Variants in INPP5A observed in about 807,000 individuals in gnomAD.
INPP5A encodes inositol polyphosphate-5-phosphatase A.
Under a neutral mutation model 65.2 loss-of-function variants are expected in INPP5A, and 14 were observed. The ratio of observed to expected loss-of-function variants is 0.21; its 90% CI spans 0.14 to 0.34. The LOEUF (loss-of-function observed/expected upper bound fraction) is 0.34, where lower values mean the gene tolerates loss of function less well. Ranked by LOEUF, INPP5A falls within the 10% of genes least tolerant of loss-of-function variation. The pLI is 1.00. For missense variants in INPP5A, 431 were observed against 545.6 expected (o/e 0.79, Z 2.09); for synonymous variants, 207 against 208.3 (o/e 0.99, Z 0.05).
intron 2 of INPP5A, among the ~76,000 whole-genome samples, chr10:132,632,457 A>G (rs1000337111): frequency 6.6e-6 from 1 of 152,128 alleles, no homozygotes; most frequent in Non-Finnish European, 1.5e-5. Context: ...AGCATTGTTG[A>G]CACCTCACAG....
At chr10:132,665,371 A>T in intron 4 of INPP5A, among the ~76,000 whole-genome samples, 1 of 152,246 alleles carries the variant, frequency 6.6e-6, no homozygotes, top group Non-Finnish European at 1.5e-5. Flanking sequence ...TGTGTCGCTA[A>T]TTGTTAATTA....
chr10:132,561,920 C>T (rs2071212213), intron 1 of INPP5A, among the ~76,000 whole-genome samples: 1 of 152,184 alleles, frequency 6.6e-6, no homozygotes, highest in East Asian at 1.9e-4. Flanking sequence ...TCCTCAGGGG[C>T]ATGTGATGTG....
intron 8 of INPP5A, among the ~76,000 whole-genome samples, chr10:132,723,647 A>G (rs570724477): frequency 0.014 from 1,396 of 100,542 alleles, 7 homozygotes; most frequent in African/African-American, 0.026. Flanking sequence ...GGGATTGGCC[A>G]TGTGGGGATT....
At chr10:132,594,911 A>G (rs2071665104) in intron 1 of INPP5A, among the ~76,000 whole-genome samples, 1 of 152,194 alleles carries the variant, frequency 6.6e-6, no homozygotes, top group African/African-American at 2.4e-5. Flanking sequence ...CAGTTATTTA[A>G]CATTCTGGCC....
chr10:132,693,067 C>T (rs1845294295), intron 5 of INPP5A, among the ~76,000 whole-genome samples: 1 of 152,162 alleles, frequency 6.6e-6, no homozygotes, highest in South Asian at 2.1e-4. Flanking sequence ...CCTGTACTAT[C>T]GTTTTAAGGA....
At chr10:132,742,391 C>T (rs1309258527) in intron 9 of INPP5A, among the ~76,000 whole-genome samples, 2 of 152,222 alleles carry the variant, frequency 1.3e-5, no homozygotes, top group Non-Finnish European at 2.9e-5. Context: ...AGGGGCGCTC[C>T]CAGCTTTGTC....
chr10:132,556,705 T>G (rs1206485946), intron 1 of INPP5A, among the ~76,000 whole-genome samples: 1 of 152,252 alleles, frequency 6.6e-6, no homozygotes, highest in Non-Finnish European at 1.5e-5. Flanking sequence ...TGTGACCTAT[T>G]AGATGTGTAA....
At chr10:132,666,381 G>A (rs942039354) in intron 4 of INPP5A, among the ~76,000 whole-genome samples, 2 of 152,182 alleles carry the variant, frequency 1.3e-5, no homozygotes, top group African/African-American at 4.8e-5. Flanking sequence ...GGGAGGTAAC[G>A]GATAAGGGCC....
intron 8 of INPP5A, among the ~76,000 whole-genome samples, chr10:132,722,048 G>C (rs1408451384): frequency 6.6e-6 from 1 of 152,198 alleles, no homozygotes; most frequent in African/African-American, 2.4e-5. Flanking sequence ...ACCATGCAGT[G>C]AGGTGTTTAT....
intron 9 of INPP5A, among the ~76,000 whole-genome samples, chr10:132,734,091 T>C (rs1000509211): frequency 3.3e-5 from 5 of 152,184 alleles, no homozygotes; most frequent in Non-Finnish European, 7.4e-5. Flanking sequence ...GTACCTCTGG[T>C]CGGGATTCAG....
intron 8 of INPP5A, among the ~76,000 whole-genome samples, chr10:132,726,508 C>T (rs1026717836): frequency 2.6e-5 from 4 of 152,224 alleles, no homozygotes; most frequent in Non-Finnish European, 5.9e-5. Context: ...GTTTTCCATG[C>T]GTGAGGCTCT....
intron 4 of INPP5A, among the ~76,000 whole-genome samples, chr10:132,686,881 T>C (rs917182469): frequency 5.3e-5 from 8 of 152,238 alleles, no homozygotes; most frequent in African/African-American, 1.9e-4. Flanking sequence ...TGCAGTTTTC[T>C]CTCTTAACTC....
chr10:132,559,936 G>A (rs1287883508), intron 1 of INPP5A, among the ~76,000 whole-genome samples: 1 of 152,252 alleles, frequency 6.6e-6, no homozygotes, highest in Non-Finnish European at 1.5e-5. Context: ...GTGTGAACCT[G>A]TGTCTCCAGC....
chr10:132,596,367 T>G (rs1271948006), intron 1 of INPP5A, among the ~76,000 whole-genome samples: 1 of 152,194 alleles, frequency 6.6e-6, no homozygotes, highest in Non-Finnish European at 1.5e-5. Context: ...AAAATTTCTT[T>G]TTTGTCTTTG....
Position 132,761,893 on chromosome 10 carries a change from ATAT to A in INPP5A, c.904-3878_904-3876del, listed in dbSNP as rs1425970982. Among the ~76,000 whole-genome samples the A allele has an allele frequency of 4.5e-4, 69 of 152,252 alleles. 2 individuals are homozygous for A. Among genetic ancestry groups the A allele is most frequent in the Non-Finnish European group, 3.5e-4 (24 of 68,044 alleles). On this transcript the variant is annotated intron_variant, in intron 11 of 15. Coordinates refer to ENST00000368594, the MANE Select transcript of INPP5A (RefSeq NM_005539.5). ...CATCGAATAATTGATACAAATTATA[ATAT>A]TGTAAATTATTAAAAGCATGACAGA... is the stretch of plus-strand genomic sequence containing the variant.
intron 8 of INPP5A, among the ~76,000 whole-genome samples, chr10:132,720,300 G>C (rs1247738568): frequency 2.2e-5 from 3 of 138,142 alleles, no homozygotes; most frequent in African/African-American, 8.2e-5. Flanking sequence ...CGGCTGTCTT[G>C]CGGGTTCTGT....
At chr10:132,583,524 A>G (rs1590846632) in intron 1 of INPP5A, among the ~76,000 whole-genome samples, 1 of 152,080 alleles carries the variant, frequency 6.6e-6, no homozygotes, top group African/African-American at 2.4e-5. Flanking sequence ...GGATGTGAGT[A>G]TCTGGAGTGT....
rs2070931316 is a variant in INPP5A at position 132,543,388 on chromosome 10, C to T, written c.75+5217C>T. On this transcript the variant is annotated intron_variant, in intron 1 of 15. Coordinates refer to ENST00000368594, the MANE Select transcript of INPP5A (RefSeq NM_005539.5). ...GTAAAAGTGTCCATGCTGCAGCGTG[C>T]GTCAGTCCTGCATTTCTTCCTTTCT... Among the ~76,000 whole-genome samples the T allele has an allele frequency of 4.6e-5, 7 of 152,052 alleles. No individual in the cohort carries two copies. The South Asian group carries it at 1.5e-3, about 32-fold the overall frequency.
intron 9 of INPP5A, among the ~76,000 whole-genome samples, chr10:132,733,810 C>T (rs1344000206): frequency 6.6e-6 from 1 of 152,250 alleles, no homozygotes; most frequent in African/African-American, 2.4e-5. Flanking sequence ...AGGCTGATTT[C>T]AGCCTCTGCG....
Sources: allele counts gnomAD v4.1 joint callset (sites outside exome capture counted in the v4.1 genomes callset), GRCh38; gene constraint gnomAD v4.1.1; transcripts MANE v1.5; gene names NCBI Gene and HGNC (gene_info 2026-07-23, HGNC 2026-07-21).